OGG1: variants seen among roughly 807,000 people sequenced by gnomAD.
The protein encoded by OGG1 is N-glycosylase/DNA lyase.
A neutral mutation model predicts 42.3 loss-of-function variants in OGG1; 35 were observed. The ratio of observed to expected loss-of-function variants is 0.83; its 90% CI spans 0.63 to 1.10. OGG1 has a LOEUF of 1.10. OGG1 is among the 50% of genes least tolerant of loss of function. The pLI, the probability that OGG1 is intolerant of heterozygous loss-of-function variation, is 0.00. For synonymous variants in OGG1, 189 were observed against 179.0 expected, an observed-to-expected ratio of 1.06 and a Z score of -0.44; for missense variants, 484 against 446.7, an observed-to-expected ratio of 1.08 and a Z score of -0.75.
At chr3:9,752,011 C>T in intron 3 of OGG1, 62 bp downstream of exon 3, 4 of 1,501,892 alleles carry the variant, frequency 2.7e-6, no homozygotes, top group Non-Finnish European at 3.7e-6. Context: ...GTTCATTTCT[C>T]CCCTGGTTAC....
chr3:9,776,388 C>CTTTTTTTTTTTTTTTTTT (rs57504240), intron 2 of OGG1, among the ~76,000 whole-genome samples: 2 of 121,120 alleles, frequency 1.7e-5, no homozygotes, highest in Admixed American at 8.9e-5. Context: ...TTTTTCTTTT[C>CTTTTTTTTTTTTTTTTTT]TTTTTTTTTT....
At chr3:9,755,459 A>G (rs1227138148) in intron 4 of OGG1, among the ~76,000 whole-genome samples, 2 of 142,718 alleles carry the variant, frequency 1.4e-5, no homozygotes, top group Non-Finnish European at 1.5e-5. Flanking sequence ...GAAATTAGGC[A>G]TTTGTCTTTT....
chr3:9,765,891 C>T, exon 8 of OGG1: 1 of 1,614,162 alleles, frequency 6.2e-7, no homozygotes. Context: ...GAAGGCCCCC[C>T]TATCGGGAGA....
Position 9,756,786 on chromosome 3 carries a change from G to T in OGG1, c.918G>T (p.Leu306=). The T allele has an allele frequency of 6.2e-7, 1 of 1,614,136 alleles. No individual in the cohort carries two copies. The stretch of plus-strand genomic sequence containing the variant: ...ATTTAGGAAACTTTTTCCGGAGCCT[G>T]TGGGGACCTTATGCTGGCTGGGCCC... ...NKELGNFFRS[L]WGPYAGWAQA... The change falls in exon 6 of 7, where the codon CTG becomes CTT. Residue 306 remains leucine (L), a synonymous_variant. Transcript: ENST00000344629.
intron 1 of OGG1, chr3:9,750,738 G>C (rs1041033584): frequency 1.4e-6 from 1 of 728,840 alleles, no homozygotes; most frequent in African/African-American, 1.8e-5. Context: ...GCAGCCTCCC[G>C]AGTAGCTGGG....
intron 2 of OGG1, among the ~76,000 whole-genome samples, chr3:9,774,408 C>CAAA (rs35674476): frequency 4.3e-5 from 5 of 117,134 alleles, no homozygotes; most frequent in African/African-American, 7.5e-5. Context: ...GACTCTGTCT[C>CAAA]AAAAAAAAAA....
In OGG1 at chr3:9,750,204, C is replaced by T; in HGVS notation, c.-83C>T. On this transcript the variant is annotated 5_prime_UTR_variant, in exon 1 of 7. Transcript: ENST00000344629. Reference sequence around the variant, plus strand: ...GGGCGAGGCCTTAAGGGTCGTGGTCCTTGTCTGGGCGGGGTCTTTGGGCGT... The same window carrying T: ...GGGCGAGGCCTTAAGGGTCGTGGTCTTTGTCTGGGCGGGGTCTTTGGGCGT... The T allele has an allele frequency of 6.5e-7, 1 of 1,534,544 alleles. No homozygotes were observed. The highest frequency in any genetic ancestry group is 8.8e-7 in the Non-Finnish European group (1 of 1,141,010).
intron 2 of OGG1, among the ~76,000 whole-genome samples, chr3:9,775,400 C>G (rs1303496239): frequency 6.6e-6 from 1 of 152,064 alleles, no homozygotes; most frequent in South Asian, 2.1e-4. Context: ...ATTACTGAAA[C>G]AGATTTTGGA....
rs757787264 is a variant in OGG1, at chr3:9,756,755, C to G, written c.899-12C>G. On this transcript the variant is annotated splice_polypyrimidine_tract_variant and intron_variant, in intron 5 of 6. Transcript: ENST00000344629. Reference sequence around the variant, plus strand: ...GGGGTCAGATAACTTAGTCTCATCACTTCTGATTTAGGAAACTTTTTCCGG... The same window carrying G: ...GGGGTCAGATAACTTAGTCTCATCAGTTCTGATTTAGGAAACTTTTTCCGG... The G allele has an allele frequency of 1.8e-5, 29 of 1,614,046 alleles. No homozygotes were observed. The Admixed American group carries it at 4.0e-4, about 22-fold the overall frequency.
chr3:9,769,207 A>G (rs1375991585), downstream of OGG1, among the ~76,000 whole-genome samples: 1 of 151,510 alleles, frequency 6.6e-6, no homozygotes, highest in Non-Finnish European at 1.5e-5. Context: ...ACACCCCAAA[A>G]CACACATCCA....
chr3:9,765,387 A>C (rs2078107751), intron 7 of OGG1, among the ~76,000 whole-genome samples: 2 of 152,170 alleles, frequency 1.3e-5, no homozygotes, highest in African/African-American at 4.8e-5. Context: ...GTCAGCAGAC[A>C]GTCATTTTTA....
chr3:9,759,307 T>TTCC, downstream of OGG1: 1 of 1,580,742 alleles, frequency 6.3e-7, no homozygotes, highest in Non-Finnish European at 8.7e-7. Flanking sequence ...CTCTCTGGAA[T>TTCC]AGAGAAGGTG....
exon 8 of OGG1, chr3:9,765,893 A>G (rs766849418): frequency 2.5e-6 from 4 of 1,613,456 alleles, no homozygotes; most frequent in Admixed American, 1.7e-5. Flanking sequence ...AGGCCCCCCT[A>G]TCGGGAGAGG....
chr3:9,753,217 A>G (rs924680742), intron 3 of OGG1, among the ~76,000 whole-genome samples: 1 of 151,940 alleles, frequency 6.6e-6, no homozygotes, highest in Non-Finnish European at 1.5e-5. Flanking sequence ...GGTGGCAGGT[A>G]CCTGTAATCC....
At chr3:9,752,004 C>A (rs2077326115) in intron 3 of OGG1, 55 bp downstream of exon 3, 2 of 1,537,074 alleles carry the variant, frequency 1.3e-6, no homozygotes, top group South Asian at 2.2e-5. Context: ...AAGATCTGTT[C>A]ATTTCTCCCC....
intron 2 of OGG1, among the ~76,000 whole-genome samples, chr3:9,778,850 AG>A (rs946510332): frequency 8.0e-4 from 122 of 152,310 alleles, no homozygotes; most frequent in African/African-American, 2.9e-3. Context: ...GTGATGGGGA[AG>A]GAACATTTCT....
At chr3:9,786,560 C>G (rs2078617028) in intron 3 of OGG1, among the ~76,000 whole-genome samples, 1 of 152,138 alleles carries the variant, frequency 6.6e-6, no homozygotes, top group Non-Finnish European at 1.5e-5. Flanking sequence ...TGAACAGTTC[C>G]CTTTTCTGAG....
intron 2 of OGG1, among the ~76,000 whole-genome samples, chr3:9,776,346 C>T (rs2078363043): frequency 6.6e-6 from 1 of 151,956 alleles, no homozygotes; most frequent in African/African-American, 2.4e-5. Context: ...TGCCCCAGGT[C>T]CCTGCCAACT....
intron 2 of OGG1, among the ~76,000 whole-genome samples, chr3:9,778,217 G>C (rs2078389015): frequency 1.3e-5 from 2 of 152,188 alleles, no homozygotes; most frequent in South Asian, 2.1e-4. Context: ...ATTATGATTA[G>C]AGTTGGTTTC....
Sources: allele counts gnomAD v4.1 joint callset (sites outside exome capture counted in the v4.1 genomes callset), GRCh38; gene constraint gnomAD v4.1.1; transcripts MANE v1.5; gene names NCBI Gene and HGNC (gene_info 2026-07-23, HGNC 2026-07-21).